The following TNIP1 variants were observed in gnomAD, a reference collection of about 807,000 sequenced individuals.
TNIP1 encodes the protein TNFAIP3 interacting protein 1.
In TNIP1, 22 loss-of-function variants were observed where a neutral mutation model predicts 86.6. That is an observed-to-expected ratio of 0.25 (90% CI 0.18 to 0.36). TNIP1 has a LOEUF of 0.36. Ranked by LOEUF, TNIP1 falls within the 10% of genes least tolerant of loss-of-function variation. TNIP1 has a pLI of 1.00. For synonymous variants in TNIP1, 294 were observed against 313.0 expected (o/e 0.94, Z 0.64); for missense variants, 709 against 820.6 (o/e 0.86, Z 1.66).
At chr5:151,086,514 A>T (rs762400121) in intron 1 of TNIP1, among the ~76,000 whole-genome samples, 30 of 152,292 alleles carry the variant, frequency 2.0e-4, no homozygotes, top group Middle Eastern at 6.8e-3. Flanking sequence ...GCCTCTTCCT[A>T]TCTAGCTGTA....
At chr5:151,038,298 G>A (rs867929791) in intron 12 of TNIP1, among the ~76,000 whole-genome samples, 3 of 152,188 alleles carry the variant, frequency 2.0e-5, no homozygotes, top group Admixed American at 6.5e-5. Flanking sequence ...CAATTAGCAC[G>A]AAACGAAAAG....
chr5:151,070,952 A>G (rs1762757730), intron 1 of TNIP1, among the ~76,000 whole-genome samples: 1 of 151,450 alleles, frequency 6.6e-6, no homozygotes, highest in Non-Finnish European at 1.5e-5. Context: ...AGTGGTGTCA[A>G]TGTAGATTCA....
At chr5:151,076,938 C>A (rs543131580) in intron 1 of TNIP1, among the ~76,000 whole-genome samples, 1 of 152,312 alleles carries the variant, frequency 6.6e-6, no homozygotes, top group South Asian at 2.1e-4. Context: ...AAGCAAAGGA[C>A]AACTCATCCA....
At position 151,049,080 on chromosome 5, in the gene TNIP1, A is replaced by G. The variant is rs373686932; in HGVS notation, c.846+744T>C. ...ATTGTCACACAGTAATAAGGAATTA[A>G]GCCATTACGGTAATTGCTACTATTG... On this transcript the variant is annotated intron_variant, in intron 8 of 17. Coordinates refer to ENST00000521591, the MANE Select transcript of TNIP1 (RefSeq NM_006058.5). Among the ~76,000 whole-genome samples the G allele has an allele frequency of 2.6e-5, 4 of 152,236 alleles. No homozygotes were observed. The East Asian group carries it at 5.8e-4, about 22-fold the overall frequency.
intron 17 of TNIP1, 25 bp from the exon 18 acceptor site, chr5:151,030,772 C>T (rs748373356): frequency 6.3e-7 from 1 of 1,578,392 alleles, no homozygotes. Context: ...ATTTTGAGGA[C>T]TTCATGATTA....
At chr5:151,076,171 A>G (rs3792783) in intron 1 of TNIP1, among the ~76,000 whole-genome samples, 37,612 of 152,104 alleles carry the variant, frequency 0.25, 6,121 homozygotes, top group African/African-American at 0.47. Flanking sequence ...AGAACTTCCC[A>G]CAATGGTCAT....
Position 151,049,906 on chromosome 5 carries a change from C to G in TNIP1, c.764G>C (p.Gly255Ala). The G allele has an allele frequency of 6.2e-7, 1 of 1,614,198 alleles. No individual in the cohort carries two copies. Among genetic ancestry groups the G allele is most frequent in the Non-Finnish European group, 8.5e-7 (1 of 1,180,014 alleles). ...CCGCCCAGACGCACCCTCTTTGTTG[C>G]CATTGCTCATCAACAACTTCTTGAG... is the stretch of plus-strand genomic sequence containing the variant. Reference protein sequence around the residue: ...LELKKLLMSNGNKEGASGRPG... With the variant: ...LELKKLLMSNANKEGASGRPG... The change falls in exon 8 of 18, where the codon GGC becomes GCC. Residue 255 changes from glycine (G) to alanine (A), a missense_variant. Transcript: ENST00000521591.
chr5:151,054,325 C>A (rs1760363751), intron 6 of TNIP1, among the ~76,000 whole-genome samples: 3 of 152,258 alleles, frequency 2.0e-5, no homozygotes, highest in South Asian at 4.1e-4. Context: ...CTTGGGAAGG[C>A]TGAATGGAGG....
Position 151,042,613 on chromosome 5 carries a change from G to A in TNIP1, c.1061C>T (p.Ala354Val), listed in dbSNP as rs1325968449. The A allele has an allele frequency of 6.2e-7, 1 of 1,613,946 alleles. No homozygotes were observed. Among genetic ancestry groups the A allele is most frequent in the Non-Finnish European group, 8.5e-7 (1 of 1,180,040 alleles). The change falls in exon 11 of 18, where the codon GCC becomes GTC. Residue 354 changes from alanine (A) to valine (V), a missense_variant. Physicochemically the swap from Ala to Val is moderately conservative, Grantham distance 64. Transcript: ENST00000521591. ...DLQKQVTDLE[A>V]EREQKQRDFD... is the part of the protein sequence containing the mutation. ...GTCACGCTGCTTCTGCTCCCGCTCG[G>A]CCTCCAGGTCAGTCACCTGCTTCTG...
At chr5:151,077,970 A>G (rs1763577560) in intron 1 of TNIP1, among the ~76,000 whole-genome samples, 1 of 152,144 alleles carries the variant, frequency 6.6e-6, no homozygotes, top group Non-Finnish European at 1.5e-5. Context: ...TCCACTCTGC[A>G]CTTTGTCATT....
At chr5:151,036,709 G>A in intron 13 of TNIP1, 81 bp downstream of exon 13, 1 of 1,602,144 alleles carries the variant, frequency 6.2e-7, no homozygotes, top group East Asian at 2.2e-5. Context: ...GGTTCCATGT[G>A]ATTCCAAGCC....
intron 16 of TNIP1, chr5:151,033,376 C>T (rs1030692805): frequency 5.1e-5 from 20 of 389,358 alleles, no homozygotes; most frequent in African/African-American, 2.7e-4. Context: ...CAGCCTTCTC[C>T]GTCCTAGACC....
rs939479778 is a variant in TNIP1, at chr5:151,053,451, T to C, written c.628-1192A>G. 2.0e-5 allele frequency among the ~76,000 whole-genome samples: 3 copies of C among 152,202 alleles called. No homozygotes were observed. The South Asian group carries it at 6.2e-4, about 32-fold the overall frequency. On this transcript the variant is annotated intron_variant, in intron 6 of 17. Coordinates refer to ENST00000521591, the MANE Select transcript of TNIP1 (RefSeq NM_006058.5). ...TTCTCTGCCTCCTCTATAGGGCTGCTGAGAGGGACAGATGAGACAGTGAGA... is the reference window on the plus strand; with the variant it reads ...TTCTCTGCCTCCTCTATAGGGCTGCCGAGAGGGACAGATGAGACAGTGAGA...
chr5:151,060,235 G>T, intron 5 of TNIP1, 83 bp downstream of exon 5: 3 of 1,458,890 alleles, frequency 2.1e-6, no homozygotes, highest in Non-Finnish European at 1.9e-6. Context: ...ATCTGAACAG[G>T]TTCTGTGCCT....
rs966861271 is a variant in TNIP1 at position 151,037,011 on chromosome 5, T to A, written c.1264-90A>T. On this transcript the variant is annotated intron_variant, in intron 12 of 17. Coordinates refer to ENST00000521591, the MANE Select transcript of TNIP1 (RefSeq NM_006058.5). ...TCATCCTCAGGGAACTCCTTCCTAA[T>A]AATAATCATACTAATAATAGCCACC... 23 of 1,455,702 alleles carry A rather than the reference T, an allele frequency of 1.6e-5. No individual in the cohort carries two copies. In the East Asian group the frequency reaches 1.7e-4, roughly 11 times the overall value. The allele number at this position is 1,455,702 out of a possible 1,614,324, so 90.2% of individuals were successfully genotyped here. A position where few individuals can be genotyped will look rare whatever the true frequency, so the allele number is the denominator to read the frequency against.
intron 17 of TNIP1, chr5:151,032,011 C>T (rs376378841): frequency 3.2e-5 from 12 of 369,362 alleles, no homozygotes; most frequent in Admixed American, 9.6e-5. Context: ...TTAGACATTA[C>T]GCTGTATAAG....
chr5:151,080,674 G>A (rs1763911974), intron 1 of TNIP1, among the ~76,000 whole-genome samples: 1 of 152,130 alleles, frequency 6.6e-6, no homozygotes, highest in Non-Finnish European at 1.5e-5. Flanking sequence ...GCGCACGCGC[G>A]CCCCCCACCA....
At chr5:151,085,950 C>T (rs534690488), upstream of TNIP1, among the ~76,000 whole-genome samples, 67 of 152,336 alleles carry the variant, frequency 4.4e-4, no homozygotes, top group African/African-American at 1.5e-3. Context: ...CTTCTATGGC[C>T]CCTCCCCGCT....
chr5:151,071,639 C>A (rs2113780925), intron 1 of TNIP1, among the ~76,000 whole-genome samples: 1 of 152,266 alleles, frequency 6.6e-6, no homozygotes, highest in African/African-American at 2.4e-5. Context: ...TATCCCCTCC[C>A]CGAGGGCAGT....
Sources: gnomAD v4.1 joint callset for allele counts (sites outside exome capture counted in the v4.1 genomes callset) on GRCh38, gnomAD v4.1.1 for gene constraint, MANE v1.5 for transcripts, NCBI Gene and HGNC (gene_info 2026-07-23, HGNC 2026-07-21) for gene names.